PHF8: variants seen among roughly 807,000 people sequenced by gnomAD.
PHF8 encodes histone lysine demethylase PHF8.
Under a neutral mutation model 74.4 loss-of-function variants are expected in PHF8, and 9 were observed. The observed-to-expected ratio is 0.12, with a 90% CI of 0.07 to 0.21. The LOEUF is 0.21. Among genes scored for constraint, PHF8 ranks in the 10% least tolerant of loss-of-function variants. The pLI is 1.00. For missense variants in PHF8, 478 were observed against 816.6 expected, an observed-to-expected ratio of 0.59 and a Z score of 5.05; for synonymous variants, 311 against 316.6, an observed-to-expected ratio of 0.98 and a Z score of 0.19.
intron 6 of PHF8, 48 bp from the exon 7 acceptor site, chrX:54,014,611 A>C: frequency 1.1e-6 from 1 of 928,129 alleles, no homozygotes; most frequent in Non-Finnish European, 1.6e-6. Flanking sequence ...TAGGAAGAGA[A>C]GATTGAGGCC....
chrX:53,979,712 T>C (rs2065449378), intron 18 of PHF8, among the ~76,000 whole-genome samples: 1 of 112,419 alleles, frequency 8.9e-6, no homozygotes, highest in African/African-American at 3.2e-5. Flanking sequence ...TGTATTTATG[T>C]CCAAATATGC....
chrX:53,951,068 A>G (rs2064916037), intron 19 of PHF8, among the ~76,000 whole-genome samples: 1 of 112,486 alleles, frequency 8.9e-6, no homozygotes, highest in African/African-American at 3.2e-5. Flanking sequence ...CTCACCAAAC[A>G]GAGAATACCA....
Position 53,937,793 on chromosome X carries a change from T to C in PHF8, c.*1365A>G. The C allele has an allele frequency of 2.4e-6, 1 of 421,231 alleles. No individual in the cohort carries two copies. Among genetic ancestry groups the C allele is most frequent in the South Asian group, 4.2e-5 (1 of 23,970 alleles). The allele number at this position is 421,231 out of a possible 1,213,427, so 34.7% of individuals were successfully genotyped here. On this transcript the variant is annotated 3_prime_UTR_variant, in exon 22 of 22. Transcript: ENST00000338154. ...GCTGGGGTGAGGTTGGAGTGGGTGG[T>C]ACAGGTGGAAAGGGCAAGGGTACAC...
intron 19 of PHF8, 46 bp from the exon 20 acceptor site, chrX:53,944,289 G>A (rs373769937): frequency 1.6e-5 from 15 of 958,908 alleles, no homozygotes; most frequent in Admixed American, 6.7e-5. Context: ...ACATTTATCC[G>A]AAGGCTAGCC....
At chrX:53,969,826 A>G (rs1416201093) in intron 18 of PHF8, among the ~76,000 whole-genome samples, 2 of 112,012 alleles carry the variant, frequency 1.8e-5, no homozygotes, top group Admixed American at 1.9e-4. Flanking sequence ...CCACCCACTT[A>G]TAGCCCACTC....
chrX:54,042,371 AAG>A (rs1491384695), intron 2 of PHF8, among the ~76,000 whole-genome samples: 131 of 74,327 alleles, frequency 1.8e-3, no homozygotes, highest in African/African-American at 9.3e-3. Context: ...CAGGAAAGAA[AAG>A]GGGGGGGGGG....
chrX:53,989,624 T>A (rs2065627676), intron 14 of PHF8, among the ~76,000 whole-genome samples: 1 of 112,295 alleles, frequency 8.9e-6, no homozygotes, highest in Non-Finnish European at 1.9e-5. Context: ...CTGTTACACA[T>A]AGTAGACGAT....
intron 20 of PHF8, chrX:53,943,140 T>C: frequency 2.4e-6 from 2 of 844,748 alleles, no homozygotes; most frequent in Non-Finnish European, 3.0e-6. Context: ...AATTTATATT[T>C]ATATAAAACA....
chrX:53,988,621 T>A (rs1240046703), intron 14 of PHF8, among the ~76,000 whole-genome samples: 18 of 100,027 alleles, frequency 1.8e-4, no homozygotes, highest in South Asian at 4.6e-4. Context: ...CAAAAAAAAA[T>A]TTTTTTTTTT....
At chrX:53,989,095 T>C (rs1038845971) in intron 14 of PHF8, among the ~76,000 whole-genome samples, 5 of 109,737 alleles carry the variant, frequency 4.6e-5, no homozygotes, top group African/African-American at 1.7e-4. Context: ...CCCAAGTAGC[T>C]GGGATTACAG....
intron 7 of PHF8, among the ~76,000 whole-genome samples, chrX:54,012,622 C>T (rs1230984686): frequency 9.1e-6 from 1 of 110,429 alleles, no homozygotes; most frequent in Admixed American, 9.8e-5. Flanking sequence ...CACAGTGGGA[C>T]TCTGTCTCTA....
At chrX:53,952,198 T>G (rs782387767) in intron 19 of PHF8, among the ~76,000 whole-genome samples, 10 of 108,198 alleles carry the variant, frequency 9.2e-5, no homozygotes, top group Non-Finnish European at 1.5e-4. Flanking sequence ...GCAGGAGAAT[T>G]GCTTGAACCC....
intron 2 of PHF8, among the ~76,000 whole-genome samples, chrX:54,029,934 T>C (rs1557112213): frequency 9.0e-6 from 1 of 110,515 alleles, no homozygotes; most frequent in Non-Finnish European, 1.9e-5. Flanking sequence ...ACTATAACGA[T>C]TGCACACCCA....
rs997690376 is a variant in PHF8 at position 53,985,586 on chromosome X, G to A, written c.2129+230C>T. Among the ~76,000 whole-genome samples, 3 of 111,296 alleles carry A rather than the reference G, an allele frequency of 2.7e-5. No homozygotes were observed. In the Admixed American group the frequency reaches 2.9e-4, roughly 11 times the overall value. On this transcript the variant is annotated intron_variant, in intron 17 of 21. Transcript: ENST00000338154. ...AGCCCCTCTTCCCAACTTCCTAAGT[G>A]CCCAAAATTGATTCCTCTTGAAGTC...
At chrX:53,965,178 C>T (rs373787492) in intron 18 of PHF8, among the ~76,000 whole-genome samples, 20 of 111,664 alleles carry the variant, frequency 1.8e-4, no homozygotes, top group East Asian at 1.7e-3. Context: ...CACACACACA[C>T]GCACGCACAC....
In PHF8 at chrX:53,938,712, G is replaced by A; in HGVS notation, c.*446C>T. ...CTGGACTGGGGAAATGGGGCAAACAGAATGGGTGGAGGTGGGCAGGCTTCT... is the reference window on the plus strand; with the variant it reads ...CTGGACTGGGGAAATGGGGCAAACAAAATGGGTGGAGGTGGGCAGGCTTCT... On this transcript the variant is annotated 3_prime_UTR_variant, in exon 22 of 22. Transcript: ENST00000338154. 1.3e-6 allele frequency: 1 copy of A among 761,184 alleles called. No individual in the cohort carries two copies. 62.7% of individuals were successfully genotyped at this position (761,184 alleles called of 1,213,427 possible). A position where few individuals can be genotyped will look rare whatever the true frequency, so the allele number is the denominator to read the frequency against.
chrX:54,020,785 A>AT (rs2066157695), intron 4 of PHF8, among the ~76,000 whole-genome samples: 1 of 111,730 alleles, frequency 9.0e-6, no homozygotes, highest in African/African-American at 3.2e-5. Flanking sequence ...AGTAAAAAAA[A>AT]AAATAACAGA....
chrX:53,945,488 C>T (rs924570945), intron 19 of PHF8, among the ~76,000 whole-genome samples: 24 of 109,957 alleles, frequency 2.2e-4, no homozygotes, highest in Admixed American at 5.8e-4. Context: ...CCAGCCTCGG[C>T]GACACAGTGA....
At chrX:54,026,830 T>G (rs1310704560) in intron 2 of PHF8, among the ~76,000 whole-genome samples, 2 of 110,897 alleles carry the variant, frequency 1.8e-5, no homozygotes, top group Non-Finnish European at 3.8e-5. Flanking sequence ...GTCTCAAACT[T>G]CTGGCCTCAA....
Sources: gnomAD v4.1 joint callset for allele counts (sites outside exome capture counted in the v4.1 genomes callset) on GRCh38, gnomAD v4.1.1 for gene constraint, MANE v1.5 for transcripts, NCBI Gene and HGNC (gene_info 2026-07-23, HGNC 2026-07-21) for gene names.